SIL1: variants seen among roughly 807,000 people sequenced by gnomAD.
SIL1 encodes SIL1 nucleotide exchange factor, also known as nucleotide exchange factor SIL1.
In SIL1, 40 loss-of-function variants were observed where a neutral mutation model predicts 49.1. That is an observed-to-expected ratio of 0.81 (90% CI 0.63 to 1.06). The LOEUF is 1.06. Ranked by LOEUF, SIL1 falls within the 50% of genes least tolerant of loss-of-function variation. The pLI is 0.00. For missense variants in SIL1, 500 were observed against 572.6 expected (o/e 0.87, Z 1.29); for synonymous variants, 253 against 250.8 (o/e 1.01, Z -0.08).
At chr5:139,077,502 G>A (rs893532589) in intron 3 of SIL1, among the ~76,000 whole-genome samples, 9 of 152,172 alleles carry the variant, frequency 5.9e-5, no homozygotes, top group African/African-American at 2.2e-4. Flanking sequence ...TTTACGGACT[G>A]TGATTCCAGT....
At chr5:139,003,642 T>C (rs1768042657) in intron 7 of SIL1, among the ~76,000 whole-genome samples, 1 of 152,204 alleles carries the variant, frequency 6.6e-6, no homozygotes. Context: ...TTAAATATTT[T>C]ATGATGAGCA....
intron 3 of SIL1, among the ~76,000 whole-genome samples, chr5:139,096,625 C>T (rs751310489): frequency 5.3e-5 from 8 of 151,504 alleles, no homozygotes; most frequent in Admixed American, 1.3e-4. Context: ...TCAGCCACAG[C>T]AGAACAGGGC....
intron 7 of SIL1, among the ~76,000 whole-genome samples, chr5:138,956,332 A>C (rs1221205766): frequency 1.3e-5 from 2 of 152,198 alleles, no homozygotes; most frequent in Non-Finnish European, 2.9e-5. Flanking sequence ...TGTGGCCTCC[A>C]TCATCTGGGA....
Position 138,951,352 on chromosome 5 carries a change from A to G in SIL1, c.865-17T>C. 2.6e-6 allele frequency: 4 copies of G among 1,551,570 alleles called. No individual in the cohort carries two copies. Among genetic ancestry groups the G allele is most frequent in the Non-Finnish European group, 3.5e-6 (4 of 1,147,100 alleles). ...AAACAGGACCTGGGGGCACAGACCC[A>G]GGGGTAGGTGAGGGGCCAAGCGAGC... On this transcript the variant is annotated splice_polypyrimidine_tract_variant and intron_variant, in intron 8 of 9. Transcript: ENST00000394817.
chr5:139,141,251 T>C (rs1751075372), intron 1 of SIL1, among the ~76,000 whole-genome samples: 1 of 152,146 alleles, frequency 6.6e-6, no homozygotes, highest in East Asian at 1.9e-4. Context: ...TAGCCATTGA[T>C]TTAATAAAAT....
intron 1 of SIL1, among the ~76,000 whole-genome samples, chr5:139,142,466 G>A (rs1412990492): frequency 2.0e-5 from 3 of 152,034 alleles, no homozygotes; most frequent in African/African-American, 7.2e-5. Context: ...TTTATCCCAG[G>A]AATACAAGAG....
rs923339419 is a variant in SIL1 at position 139,112,134 on chromosome 5, A to G, written c.244+8901T>C. ...GGTGCCGGGATTGCAGACGGAGTCTAGTTCACTCAGTGCTCAATGTTGCCC... is the reference window on the plus strand; with the variant it reads ...GGTGCCGGGATTGCAGACGGAGTCTGGTTCACTCAGTGCTCAATGTTGCCC... On this transcript the variant is annotated intron_variant, in intron 3 of 9. Transcript: ENST00000394817. Among the ~76,000 whole-genome samples, 24 of 152,216 alleles carry G rather than the reference A, an allele frequency of 1.6e-4. 1 individual carries two copies. Among genetic ancestry groups the G allele is most frequent in the South Asian group, 2.1e-4 (1 of 4,826 alleles).
intron 1 of SIL1, among the ~76,000 whole-genome samples, chr5:139,174,617 A>C (rs1751840445): frequency 6.6e-6 from 1 of 152,112 alleles, no homozygotes; most frequent in Admixed American, 6.5e-5. Context: ...CAGCCTGGGC[A>C]GTACAGCAAG....
At position 139,166,776 on chromosome 5, in the gene SIL1, C is replaced by G. The variant is rs181241689; in HGVS notation, c.-11+31493G>C. 2.3e-3 allele frequency among the ~76,000 whole-genome samples: 356 copies of G among 152,090 alleles called. 4 individuals carry two copies. The highest frequency in any genetic ancestry group is 2.0e-3 in the Non-Finnish European group (137 of 67,984). ...TTTCCCACCTCATCCTCCTAAGTAA[C>G]GGGCACTACAGGCACACACCAGCAC... is the stretch of plus-strand genomic sequence containing the variant. On this transcript the variant is annotated intron_variant, in intron 1 of 9. Coordinates refer to ENST00000394817, the MANE Select transcript of SIL1 (RefSeq NM_022464.5).
chr5:139,191,954 A>T (rs1752179609), intron 1 of SIL1, among the ~76,000 whole-genome samples: 1 of 151,874 alleles, frequency 6.6e-6, no homozygotes. Context: ...AGGCGCCTGT[A>T]GTCCCAGCTA....
In SIL1 at chr5:139,143,344, C is replaced by CATATAT. The variant is rs1314250793; in HGVS notation, c.-10-15497_-10-15492dup. 2.4e-4 allele frequency among the ~76,000 whole-genome samples: 23 copies of CATATAT among 97,502 alleles called. 1 individual carries two copies. Among genetic ancestry groups the CATATAT allele is most frequent in the East Asian group, 1.0e-3 (4 of 3,828 alleles). The allele number at this position is 97,502 out of a possible 152,430, so 64.0% of individuals were successfully genotyped here. A position where few individuals can be genotyped will look rare whatever the true frequency, so the allele number is the denominator to read the frequency against. ...ACACACACACACACACACACACACA[C>CATATAT]ATATATATATATATATATATATGGT... On this transcript the variant is annotated intron_variant, in intron 1 of 9. Transcript: ENST00000394817.
chr5:139,192,558 C>G (rs1752193307), intron 1 of SIL1, among the ~76,000 whole-genome samples: 1 of 152,160 alleles, frequency 6.6e-6, no homozygotes, highest in African/African-American at 2.4e-5. Flanking sequence ...AGACTCTTCC[C>G]AAAGGTTCCG....
chr5:139,156,643 G>A (rs1053566643), intron 1 of SIL1, among the ~76,000 whole-genome samples: 2 of 152,196 alleles, frequency 1.3e-5, no homozygotes, highest in African/African-American at 4.8e-5. Context: ...AAAAGAAGGT[G>A]ATTGAGATTT....
At chr5:139,126,562 T>C (rs1750757335) in intron 2 of SIL1, among the ~76,000 whole-genome samples, 2 of 152,172 alleles carry the variant, frequency 1.3e-5, no homozygotes, top group African/African-American at 2.4e-5. Flanking sequence ...CCTCACGCTG[T>C]AGCCAGTCCC....
intron 3 of SIL1, among the ~76,000 whole-genome samples, chr5:139,120,687 T>C (rs1750607017): frequency 6.6e-6 from 1 of 152,178 alleles, no homozygotes; most frequent in Non-Finnish European, 1.5e-5. Flanking sequence ...TCAGCAGCAC[T>C]GAGCCGAGCA....
chr5:138,949,140 C>G (rs1766704815), intron 9 of SIL1, among the ~76,000 whole-genome samples: 1 of 152,256 alleles, frequency 6.6e-6, no homozygotes, highest in African/African-American at 2.4e-5. Flanking sequence ...TTTCCCAGCA[C>G]CCGGCACAGC....
chr5:139,148,182 G>C (rs930490478), intron 1 of SIL1, among the ~76,000 whole-genome samples: 8 of 151,912 alleles, frequency 5.3e-5, no homozygotes, highest in Non-Finnish European at 1.2e-4. Context: ...CTCTTTAAGA[G>C]TGGTATATCA....
intron 7 of SIL1, among the ~76,000 whole-genome samples, chr5:138,988,361 C>T (rs1210711422): frequency 6.6e-6 from 1 of 152,154 alleles, no homozygotes; most frequent in Non-Finnish European, 1.5e-5. Context: ...TACACAGATT[C>T]CCAATCAGAA....
At chr5:138,968,600 G>A (rs1767204558) in intron 7 of SIL1, among the ~76,000 whole-genome samples, 1 of 152,024 alleles carries the variant, frequency 6.6e-6, no homozygotes, top group South Asian at 2.1e-4. Context: ...GCATTCCTGG[G>A]GCCCTCCTTC....
Sources: allele counts gnomAD v4.1 joint callset (sites outside exome capture counted in the v4.1 genomes callset), GRCh38; gene constraint gnomAD v4.1.1; transcripts MANE v1.5; gene names NCBI Gene and HGNC (gene_info 2026-07-23, HGNC 2026-07-21).